CAMK1D: variants seen among roughly 807,000 people sequenced by gnomAD.
CAMK1D encodes calcium/calmodulin-dependent protein kinase type 1D.
A neutral mutation model predicts 47.7 loss-of-function variants in CAMK1D; 9 were observed. That is an observed-to-expected ratio of 0.19 (90% CI 0.11 to 0.33). The LOEUF is 0.33. CAMK1D is among the 10% of genes least tolerant of loss of function. The probability of loss-of-function intolerance (pLI) is 1.00; values close to 1 mark genes in which losing one functional copy is unlikely to be tolerated. For synonymous variants in CAMK1D, 184 were observed against 184.9 expected, an observed-to-expected ratio of 0.99 and a Z score of 0.04; for missense variants, 291 against 488.7, an observed-to-expected ratio of 0.60 and a Z score of 3.81.
intron 1 of CAMK1D, among the ~76,000 whole-genome samples, chr10:12,499,089 A>G (rs986495044): frequency 6.5e-4 from 78 of 119,426 alleles, no homozygotes; most frequent in African/African-American, 2.3e-3. Flanking sequence ...TTTTTTTTGC[A>G]TCGATATTGA....
intron 2 of CAMK1D, among the ~76,000 whole-genome samples, chr10:12,660,094 A>G (rs541717641): frequency 6.6e-6 from 1 of 152,212 alleles, no homozygotes; most frequent in Non-Finnish European, 1.5e-5. Context: ...GTCAATGCCC[A>G]TTACTAGAGA....
chr10:12,600,430 G>T (rs1316676801), intron 2 of CAMK1D, among the ~76,000 whole-genome samples: 1 of 152,182 alleles, frequency 6.6e-6, no homozygotes, highest in Admixed American at 6.5e-5. Flanking sequence ...CTCACGCTTG[G>T]TTTGTTTTAA....
At chr10:12,828,660 G>GCC (rs55978975) in intron 10 of CAMK1D, 109 bp from the exon 11 acceptor site, 238,100 of 627,684 alleles carry the variant, frequency 0.38, 58,818 homozygotes, top group Middle Eastern at 0.43. Context: ...AAAAAATTGG[G>GCC]CCCCCCCGCC....
At chr10:12,533,005 A>T (rs916634465) in intron 1 of CAMK1D, among the ~76,000 whole-genome samples, 3 of 152,114 alleles carry the variant, frequency 2.0e-5, no homozygotes, top group African/African-American at 7.2e-5. Context: ...AAAAAATAGA[A>T]TAAGACTGTT....
intron 2 of CAMK1D, among the ~76,000 whole-genome samples, chr10:12,612,339 CTTTTTT>C (rs11333936): frequency 1.2e-4 from 14 of 121,688 alleles, no homozygotes; most frequent in East Asian, 7.5e-4. Context: ...TAATTAATTA[CTTTTTT>C]TTTTTTTTTT....
intron 1 of CAMK1D, among the ~76,000 whole-genome samples, chr10:12,512,660 T>A (rs894285574): frequency 6.6e-6 from 1 of 152,194 alleles, no homozygotes; most frequent in African/African-American, 2.4e-5. Context: ...GATTTCCAGG[T>A]GCCCCTTTGT....
chr10:12,760,921 A>G (rs752450811), intron 3 of CAMK1D, 27 bp from the exon 4 acceptor site: 55 of 1,598,926 alleles, frequency 3.4e-5, no homozygotes, highest in Middle Eastern at 3.3e-4. Context: ...GATCCTTTCA[A>G]ACTTCTAATA....
At chr10:12,476,602 T>C (rs1380004984) in intron 1 of CAMK1D, among the ~76,000 whole-genome samples, 2 of 152,218 alleles carry the variant, frequency 1.3e-5, no homozygotes, top group African/African-American at 4.8e-5. Context: ...TCTCTTATCA[T>C]GTCGAGATTT....
chr10:12,742,365 G>A (rs7915487), intron 3 of CAMK1D, among the ~76,000 whole-genome samples: 10,361 of 152,204 alleles, frequency 0.068, 588 homozygotes, highest in African/African-American at 0.16. Context: ...CAACTCCTGG[G>A]CTCAGGCAAT....
chr10:12,408,216 C>T (rs2131935746), intron 1 of CAMK1D, among the ~76,000 whole-genome samples: 1 of 150,916 alleles, frequency 6.6e-6, no homozygotes, highest in Non-Finnish European at 1.5e-5. Flanking sequence ...GCCTGGAGTG[C>T]AGTGGCATGA....
rs1171827524 is a variant in CAMK1D at position 12,428,336 on chromosome 10, A to T, written c.92+78426A>T. On this transcript the variant is annotated intron_variant, in intron 1 of 10. Coordinates refer to ENST00000619168, the MANE Select transcript of CAMK1D (RefSeq NM_153498.4). The stretch of plus-strand genomic sequence containing the variant: ...GCCCTCTTACCTGGGCTTTTTGTGA[A>T]TTAGGTGGGGAGCTTTTAGGCCCTT... 2.0e-5 allele frequency among the ~76,000 whole-genome samples: 3 copies of T among 152,200 alleles called. No individual in the cohort carries two copies. The East Asian group carries it at 5.8e-4, about 29-fold the overall frequency.
At chr10:12,366,715 C>T (rs1837846643) in intron 1 of CAMK1D, among the ~76,000 whole-genome samples, 1 of 151,344 alleles carries the variant, frequency 6.6e-6, no homozygotes, top group South Asian at 2.1e-4. Flanking sequence ...GTCAGTCATT[C>T]TGCGGGGTGG....
At chr10:12,392,914 C>T (rs1198793003) in intron 1 of CAMK1D, among the ~76,000 whole-genome samples, 2 of 104,302 alleles carry the variant, frequency 1.9e-5, no homozygotes, top group Non-Finnish European at 4.3e-5. Flanking sequence ...CCAAATTTTC[C>T]TAGTTTTGAA....
At chr10:12,574,026 T>C (rs888267942) in intron 2 of CAMK1D, among the ~76,000 whole-genome samples, 6 of 151,980 alleles carry the variant, frequency 3.9e-5, no homozygotes, top group Admixed American at 2.0e-4. Context: ...GCAGCTGTAC[T>C]TCCTCACTTA....
At chr10:12,521,438 A>C (rs1835412743) in intron 1 of CAMK1D, among the ~76,000 whole-genome samples, 2 of 152,236 alleles carry the variant, frequency 1.3e-5, no homozygotes, top group South Asian at 4.1e-4. Context: ...TTTCTGGCTT[A>C]AGTAAATTAC....
intron 1 of CAMK1D, among the ~76,000 whole-genome samples, chr10:12,357,723 C>T (rs1013913940): frequency 4.6e-5 from 7 of 152,094 alleles, no homozygotes; most frequent in African/African-American, 1.7e-4. Flanking sequence ...TGGTCAATTC[C>T]GTGCTTATTT....
chr10:12,644,818 T>C (rs894627277), intron 2 of CAMK1D, among the ~76,000 whole-genome samples: 1 of 152,210 alleles, frequency 6.6e-6, no homozygotes, highest in African/African-American at 2.4e-5. Flanking sequence ...AATATTAATA[T>C]CATGTTAATA....
At chr10:12,453,862 A>G (rs1371518174) in intron 1 of CAMK1D, among the ~76,000 whole-genome samples, 1 of 152,196 alleles carries the variant, frequency 6.6e-6, no homozygotes, top group Non-Finnish European at 1.5e-5. Context: ...CCAGCTCATT[A>G]TATCAGCCTG....
chr10:12,794,680 C>G (rs1369999728), intron 6 of CAMK1D, among the ~76,000 whole-genome samples: 1 of 152,118 alleles, frequency 6.6e-6, no homozygotes, highest in Non-Finnish European at 1.5e-5. Flanking sequence ...ATGACACTGT[C>G]AGACTTCAAG....
Sources: allele counts gnomAD v4.1 joint callset (sites outside exome capture counted in the v4.1 genomes callset), GRCh38; gene constraint gnomAD v4.1.1; transcripts MANE v1.5; gene names NCBI Gene and HGNC (gene_info 2026-07-23, HGNC 2026-07-21).